Variants in CELF2 observed in about 807,000 individuals in gnomAD.
CELF2 encodes CUG triplet repeat RNA-binding protein 2.
In CELF2, 8 loss-of-function variants were observed where a neutral mutation model predicts 62.6. The ratio of observed to expected loss-of-function variants is 0.13; its 90% CI spans 0.07 to 0.23. The LOEUF is 0.23. Ranked by LOEUF, CELF2 falls within the 10% of genes least tolerant of loss-of-function variation. The pLI is 1.00. For missense variants in CELF2, 333 were observed against 671.0 expected, an observed-to-expected ratio of 0.50 and a Z score of 5.56; for synonymous variants, 258 against 250.0, an observed-to-expected ratio of 1.03 and a Z score of -0.30.
intron 1 of CELF2, among the ~76,000 whole-genome samples, chr10:10,837,818 C>CT (rs1225660934): frequency 2.6e-5 from 4 of 151,394 alleles, no homozygotes; most frequent in Admixed American, 6.6e-5. Context: ...TTTTAGTAGA[C>CT]TTTTTTTTTC....
intron 1 of CELF2, among the ~76,000 whole-genome samples, chr10:11,094,364 A>G (rs114850902): frequency 0.028 from 4,334 of 152,306 alleles, 212 homozygotes; most frequent in African/African-American, 0.098. Context: ...GGTTCTGGTT[A>G]CTAGGATATG....
chr10:11,043,585 C>T lies in CELF2; in HGVS notation c.74+25422C>T, dbSNP rs181252010. On this transcript the variant is annotated intron_variant, in intron 1 of 12. Coordinates refer to ENST00000633077, the MANE Select transcript of CELF2 (RefSeq NM_001326342.2). ...CGTGTCCTGAATCAAGCTCCTCATC[C>T]CCCGTCCTTCCTTTCTCCATCTCAC... 3.7e-4 allele frequency among the ~76,000 whole-genome samples: 57 copies of T among 152,202 alleles called. No individual in the cohort carries two copies. The East Asian group carries it at 0.01, about 27-fold the overall frequency.
intron 1 of CELF2, among the ~76,000 whole-genome samples, chr10:11,091,207 C>T (rs1014445205): frequency 2.0e-5 from 3 of 152,166 alleles, no homozygotes; most frequent in South Asian, 2.1e-4. Flanking sequence ...TCCCAGTCCC[C>T]GACAAACACC....
At chr10:10,764,740 A>G in the CELF2 span, among the ~76,000 whole-genome samples, 3 of 152,202 alleles carry the variant, frequency 2.0e-5, no homozygotes, top group African/African-American at 7.2e-5. Context: ...TTGGAAGCCA[A>G]TATTTGACAA....
chr10:11,282,142 C>T (rs1335350924), intron 8 of CELF2, among the ~76,000 whole-genome samples: 1 of 152,212 alleles, frequency 6.6e-6, no homozygotes, highest in African/African-American at 2.4e-5. Context: ...TCCTCTTCCT[C>T]CCCTCCATCC....
At chr10:10,739,713 C>T in the CELF2 span, among the ~76,000 whole-genome samples, 2 of 152,096 alleles carry the variant, frequency 1.3e-5, no homozygotes, top group African/African-American at 4.8e-5. Flanking sequence ...CCTTAGTTTC[C>T]CCCAATTTTT....
chr10:11,028,654 C>G (rs1469141947), intron 1 of CELF2, among the ~76,000 whole-genome samples: 2 of 151,126 alleles, frequency 1.3e-5, no homozygotes, highest in African/African-American at 4.9e-5. Flanking sequence ...CTCCTGACCT[C>G]ATGATCCACC....
the CELF2 span, among the ~76,000 whole-genome samples, chr10:10,521,226 C>T: frequency 9.9e-3 from 1,505 of 152,250 alleles, 20 homozygotes; most frequent in African/African-American, 0.034. Flanking sequence ...AGAGCTATGA[C>T]GACTCAGTGA....
intron 1 of CELF2, among the ~76,000 whole-genome samples, chr10:10,813,979 G>A (rs989281049): frequency 2.0e-5 from 3 of 152,012 alleles, no homozygotes; most frequent in Non-Finnish European, 4.4e-5. Flanking sequence ...AGAGATGAGA[G>A]AGAGAGAGCT....
intron 1 of CELF2, among the ~76,000 whole-genome samples, chr10:11,134,398 C>T (rs990884660): frequency 2.0e-5 from 3 of 152,206 alleles, no homozygotes; most frequent in African/African-American, 2.4e-5. Flanking sequence ...GACTCATCCC[C>T]CTGGGAACTT....
At chr10:10,747,657 G>A in the CELF2 span, among the ~76,000 whole-genome samples, 1 of 152,108 alleles carries the variant, frequency 6.6e-6, no homozygotes, top group African/African-American at 2.4e-5. Context: ...CAATGGCAGG[G>A]GACAGCCAGG....
chr10:10,709,772 G>A, the CELF2 span, among the ~76,000 whole-genome samples: 1 of 152,156 alleles, frequency 6.6e-6, no homozygotes. Context: ...ATGAATAATG[G>A]CAATTATGAT....
the CELF2 span, among the ~76,000 whole-genome samples, chr10:10,644,418 T>C: frequency 1.3e-5 from 2 of 151,844 alleles, no homozygotes; most frequent in Non-Finnish European, 2.9e-5. Context: ...TGTGTGTGTG[T>C]GTGTGTGTGT....
chr10:11,147,489 G>A (rs540951851), intron 1 of CELF2, among the ~76,000 whole-genome samples: 21 of 152,182 alleles, frequency 1.4e-4, no homozygotes, highest in East Asian at 1.4e-3. Flanking sequence ...TTTTAATATC[G>A]TGAGCCCCAG....
chr10:10,629,866 AAAAAAAAAAAG>A, the CELF2 span, among the ~76,000 whole-genome samples: 14 of 139,034 alleles, frequency 1.0e-4, no homozygotes, highest in African/African-American at 2.9e-4. Context: ...AAGACCAAAA[AAAAAAAAAAAG>A]AAAAAAAAAA....
chr10:11,025,703 G>GTA (rs2059090398), intron 1 of CELF2, among the ~76,000 whole-genome samples: 1 of 152,202 alleles, frequency 6.6e-6, no homozygotes, highest in Non-Finnish European at 1.5e-5. Flanking sequence ...ATGGTCTTTG[G>GTA]TTACAAAAGT....
chr10:10,726,749 T>A, the CELF2 span, among the ~76,000 whole-genome samples: 1 of 152,240 alleles, frequency 6.6e-6, no homozygotes, highest in African/African-American at 2.4e-5. Flanking sequence ...AATCCTTTAG[T>A]ATTAAGAATG....
At chr10:11,084,676 A>G (rs2074946914) in intron 1 of CELF2, among the ~76,000 whole-genome samples, 1 of 152,222 alleles carries the variant, frequency 6.6e-6, no homozygotes, top group Non-Finnish European at 1.5e-5. Context: ...TAAAAAAACT[A>G]GTCAATTTAC....
At chr10:10,623,694 A>T in the CELF2 span, among the ~76,000 whole-genome samples, 1 of 152,198 alleles carries the variant, frequency 6.6e-6, no homozygotes, top group Non-Finnish European at 1.5e-5. Context: ...GGGAAGACAT[A>T]CTGAAATAAT....
Sources: allele counts gnomAD v4.1 joint callset (sites outside exome capture counted in the v4.1 genomes callset), GRCh38; gene constraint gnomAD v4.1.1; transcripts MANE v1.5; gene names NCBI Gene and HGNC (gene_info 2026-07-23, HGNC 2026-07-21).